The following SMS variants were observed in gnomAD, a reference collection of about 807,000 sequenced individuals.
The protein encoded by SMS is spermidine aminopropyltransferase.
A neutral mutation model predicts 33.0 loss-of-function variants in SMS; 3 were observed. That is an observed-to-expected ratio of 0.09 (90% CI 0.04 to 0.23). The LOEUF is 0.23. SMS is among the 10% of genes least tolerant of loss of function. The pLI is 1.00. For synonymous variants in SMS, 103 were observed against 112.2 expected (o/e 0.92, Z 0.52); for missense variants, 117 against 288.6 (o/e 0.41, Z 4.31).
At chrX:21,957,657 A>G (rs1923062524) in intron 1 of SMS, among the ~76,000 whole-genome samples, 1 of 112,109 alleles carries the variant, frequency 8.9e-6, no homozygotes, top group African/African-American at 3.2e-5. Flanking sequence ...TGCAATGGTA[A>G]TTCTACTTCT....
chrX:21,994,255 A>G, intron 10 of SMS, 57 bp from the exon 11 acceptor site: 1 of 1,059,462 alleles, frequency 9.4e-7, no homozygotes, highest in Non-Finnish European at 1.3e-6. Context: ...AACGAATTAC[A>G]AGTGATGTCT....
chrX:21,975,331 A>G (rs1420331150), intron 4 of SMS, among the ~76,000 whole-genome samples: 5 of 112,023 alleles, frequency 4.5e-5, no homozygotes, highest in Non-Finnish European at 9.4e-5. Flanking sequence ...TAGTCTTTAA[A>G]AAAACCATAG....
At chrX:21,973,398 C>G (rs1602206968) in intron 4 of SMS, among the ~76,000 whole-genome samples, 1 of 113,035 alleles carries the variant, frequency 8.8e-6, no homozygotes, top group East Asian at 2.8e-4. Flanking sequence ...GATCGCACCA[C>G]TGCGCTCCAT....
chrX:21,969,110 G>C (rs933661860), intron 2 of SMS, among the ~76,000 whole-genome samples: 1 of 110,851 alleles, frequency 9.0e-6, no homozygotes, highest in Non-Finnish European at 1.9e-5. Context: ...ACCTAGAGAT[G>C]AGGGAAACCT....
chrX:21,985,255 C>T (rs779937295), intron 9 of SMS, 32 bp downstream of exon 9: 61 of 868,844 alleles, frequency 7.0e-5, no homozygotes, highest in Non-Finnish European at 9.6e-5. Context: ...TCCCTCAAAA[C>T]GCTCTAAGAC....
At chrX:21,974,017 C>A (rs183278302) in intron 4 of SMS, among the ~76,000 whole-genome samples, 2 of 112,731 alleles carry the variant, frequency 1.8e-5, no homozygotes, top group Non-Finnish European at 3.8e-5. Context: ...CCTCATCAGG[C>A]CTTAAGGCAT....
At chrX:21,964,352 T>A (rs1191644294) in intron 1 of SMS, among the ~76,000 whole-genome samples, 2 of 111,120 alleles carry the variant, frequency 1.8e-5, no homozygotes, top group Non-Finnish European at 3.8e-5. Flanking sequence ...GACTTTTTCT[T>A]GGAGGCTCTT....
chrX:21,979,967 T>G (rs1924805931), intron 7 of SMS, among the ~76,000 whole-genome samples: 1 of 107,079 alleles, frequency 9.3e-6, no homozygotes, highest in Non-Finnish European at 1.9e-5. Context: ...AAAAAAAACC[T>G]TAATAATAAT....
intron 4 of SMS, among the ~76,000 whole-genome samples, chrX:21,976,435 T>A (rs1244717456): frequency 9.0e-6 from 1 of 111,352 alleles, no homozygotes; most frequent in Non-Finnish European, 1.9e-5. Flanking sequence ...CTGTGTAATA[T>A]ATGTCAACCT....
At chrX:21,948,848 G>A (rs1285801482) in intron 1 of SMS, among the ~76,000 whole-genome samples, 1 of 112,152 alleles carries the variant, frequency 8.9e-6, no homozygotes, top group Non-Finnish European at 1.9e-5. Flanking sequence ...AAGCCTGCTG[G>A]TGTGCACTGT....
intron 1 of SMS, among the ~76,000 whole-genome samples, chrX:21,960,858 AAC>A (rs1246388533): frequency 1.8e-5 from 2 of 110,507 alleles, no homozygotes; most frequent in Non-Finnish European, 3.8e-5. Flanking sequence ...AAGTTGAAAA[AAC>A]AGCCACAAGC....
At chrX:21,989,929 G>C (rs962683284) in intron 9 of SMS, among the ~76,000 whole-genome samples, 1 of 110,748 alleles carries the variant, frequency 9.0e-6, no homozygotes, top group Non-Finnish European at 1.9e-5. Context: ...TTTTAGAAGA[G>C]ATGGGATTTC....
intron 9 of SMS, among the ~76,000 whole-genome samples, chrX:21,990,067 C>T (rs1208354286): frequency 8.9e-6 from 1 of 112,110 alleles, no homozygotes; most frequent in Non-Finnish European, 1.9e-5. Flanking sequence ...AATAAAAGGA[C>T]TGCCCGTAAG....
intron 1 of SMS, among the ~76,000 whole-genome samples, chrX:21,950,726 C>T (rs6633491): frequency 0.41 from 44,914 of 108,786 alleles, 8,552 homozygotes; most frequent in African/African-American, 0.72. Flanking sequence ...GTTAGTTTGC[C>T]TAGAATGATG....
chrX:21,980,429 A>AT lies in SMS; in HGVS notation c.750+1463_750+1464insT, dbSNP rs1556001657. Among the ~76,000 whole-genome samples, 411 of 63,028 alleles carry AT rather than the reference A, an allele frequency of 6.5e-3. 4 individuals are homozygous for AT. The highest frequency in any genetic ancestry group is 8.0e-3 in the Non-Finnish European group (259 of 32,557). 54.7% of individuals were successfully genotyped at this position (63,028 alleles called of 115,157 possible). A position where few individuals can be genotyped will look rare whatever the true frequency, so the allele number is the denominator to read the frequency against. On this transcript the variant is annotated intron_variant, in intron 7 of 10. Coordinates refer to ENST00000404933, the MANE Select transcript of SMS (RefSeq NM_004595.5). ...GAGACTGTCTCCAAAAAAAAAAAAA[A>AT]ATATATATATATATATATATATATT...
rs1370341799 is a variant in SMS, at chrX:21,964,882, G to A, written c.50-2314G>A. The stretch of plus-strand genomic sequence containing the variant: ...AAATTGGATAGTTTACAATGGCAGA[G>A]ATGTATTCTCTCACAGCTCTGGAGG... On this transcript the variant is annotated intron_variant, in intron 1 of 10. Coordinates refer to ENST00000404933, the MANE Select transcript of SMS (RefSeq NM_004595.5). Among the ~76,000 whole-genome samples, 22 of 112,185 alleles carry A rather than the reference G, an allele frequency of 2.0e-4. No homozygotes were observed. In the Admixed American group the frequency reaches 2.1e-3, roughly 11 times the overall value.
At chrX:21,985,309 C>G in intron 9 of SMS, 86 bp downstream of exon 9, 1 of 569,949 alleles carries the variant, frequency 1.8e-6, no homozygotes, top group Non-Finnish European at 3.1e-6. Flanking sequence ...AAATGTATAT[C>G]TATTAAGGAT....
chrX:21,966,926 G>A (rs1225570815), intron 1 of SMS, among the ~76,000 whole-genome samples: 2 of 110,958 alleles, frequency 1.8e-5, no homozygotes, highest in African/African-American at 6.6e-5. Context: ...ATTTGTGGTC[G>A]GCTTTTGTGT....
At chrX:21,963,026 G>A (rs187747783) in intron 1 of SMS, among the ~76,000 whole-genome samples, 301 of 111,784 alleles carry the variant, frequency 2.7e-3, no homozygotes, top group African/African-American at 9.5e-3. Flanking sequence ...CCTCTGCAAA[G>A]ATACAGTAAT....
Sources: allele counts gnomAD v4.1 joint callset (sites outside exome capture counted in the v4.1 genomes callset), GRCh38; gene constraint gnomAD v4.1.1; transcripts MANE v1.5; gene names NCBI Gene and HGNC (gene_info 2026-07-23, HGNC 2026-07-21).